The following SEH1L variants were observed in gnomAD, a reference collection of about 807,000 sequenced individuals.
SEH1L encodes nucleoporin SEH1.
In SEH1L, 18 loss-of-function variants were observed where a neutral mutation model predicts 49.5. The observed-to-expected ratio is 0.36, with a 90% confidence interval of 0.25 to 0.54. The LOEUF (loss-of-function observed/expected upper bound fraction) is 0.54. Ranked by LOEUF, SEH1L falls within the 20% of genes least tolerant of loss-of-function variation. SEH1L has a pLI of 0.87. For synonymous variants in SEH1L, 169 were observed against 178.1 expected (o/e 0.95, Z 0.41); for missense variants, 404 against 528.8 (o/e 0.76, Z 2.31).
intron 3 of SEH1L, 113 bp from the exon 4 acceptor site, chr18:12,963,047 T>C: frequency 1.4e-6 from 1 of 699,530 alleles, no homozygotes; most frequent in South Asian, 2.1e-5. Context: ...CAAGCTTATA[T>C]ACCTAGTGAA....
intron 5 of SEH1L, chr18:12,974,360 A>G (rs186282674): frequency 8.0e-4 from 122 of 152,048 alleles, no homozygotes; most frequent in African/African-American, 2.9e-3. Flanking sequence ...GCTCGCTTCA[A>G]CCTTTGCCTC....
rs749269892 is a variant in SEH1L, at chr18:12,951,852, T to C, written c.112-3T>C. On this transcript the variant is annotated splice_region_variant and splice_polypyrimidine_tract_variant and intron_variant, in intron 1 of 8. Transcript: ENST00000399892. ...AAAATATCTGCCTTTTATTTTCTTA[T>C]AGGTCTGGGATAAAAGTGAAAGTGG... The C allele has an allele frequency of 1.9e-6, 3 of 1,559,888 alleles. No individual in the cohort carries two copies. The highest frequency in any genetic ancestry group is 2.6e-6 in the Non-Finnish European group (3 of 1,141,724).
intron 1 of SEH1L, among the ~76,000 whole-genome samples, chr18:12,951,029 CTGT>C (rs1158717482): frequency 1.3e-5 from 2 of 152,052 alleles, no homozygotes; most frequent in African/African-American, 2.4e-5. Flanking sequence ...ACAGTTGAGC[CTGT>C]TGTTTGTAGA....
chr18:12,971,444 C>A, intron 5 of SEH1L, 193 bp downstream of exon 5: 2 of 398,708 alleles, frequency 5.0e-6, no homozygotes, highest in Admixed American at 7.8e-5. Context: ...ACCAGCCTGG[C>A]CAATATGGTG....
At chr18:12,957,238 A>G (rs2030921241) in intron 3 of SEH1L, among the ~76,000 whole-genome samples, 1 of 151,504 alleles carries the variant, frequency 6.6e-6, no homozygotes, top group African/African-American at 2.4e-5. Context: ...GACCAGCCTG[A>G]CCAACATGGA....
chr18:12,967,202 C>T (rs777447750), intron 4 of SEH1L, among the ~76,000 whole-genome samples: 2 of 152,228 alleles, frequency 1.3e-5, no homozygotes, highest in Non-Finnish European at 2.9e-5. Context: ...AGGGTTTCCA[C>T]AAGTCTCTCA....
chr18:12,979,869 G>C (rs866336871), intron 6 of SEH1L, among the ~76,000 whole-genome samples: 1 of 138,008 alleles, frequency 7.2e-6, no homozygotes, highest in African/African-American at 2.9e-5. Flanking sequence ...TGGCCGGGCG[G>C]GGGGCTGACC....
chr18:12,948,754 T>A (rs974228039), intron 1 of SEH1L: 1 of 152,530 alleles, frequency 6.6e-6, no homozygotes, highest in Non-Finnish European at 1.5e-5. Context: ...TTACATCCAA[T>A]GATTTCCCTG....
intron 1 of SEH1L, among the ~76,000 whole-genome samples, chr18:12,951,651 A>G (rs560717348): frequency 3.9e-5 from 6 of 152,352 alleles, no homozygotes; most frequent in Non-Finnish European, 8.8e-5. Context: ...TTGGCCTCCC[A>G]AAGTGCTGGG....
chr18:12,972,666 C>A (rs1390148744), intron 5 of SEH1L: 1 of 152,246 alleles, frequency 6.6e-6, no homozygotes, highest in African/African-American at 2.4e-5. Flanking sequence ...GGATCTTACA[C>A]CTTCTACCTT....
intron 1 of SEH1L, 160 bp downstream of exon 1, chr18:12,948,392 C>A (rs376996010): frequency 8.1e-5 from 44 of 543,532 alleles, no homozygotes; most frequent in East Asian, 2.8e-4. Context: ...CCTCCCCGCC[C>A]GCGTATTGTG....
intron 4 of SEH1L, among the ~76,000 whole-genome samples, chr18:12,969,211 GCCCCCCC>G (rs112516463): frequency 3.6e-5 from 2 of 55,108 alleles, no homozygotes; most frequent in Non-Finnish European, 6.2e-5. Flanking sequence ...CTCTGTACCC[GCCCCCCC>G]CCCCCCCCCC....
chr18:12,982,698 A>G (rs1158138565), intron 7 of SEH1L, 23 bp downstream of exon 7: 3 of 1,552,644 alleles, frequency 1.9e-6, no homozygotes, highest in Admixed American at 3.9e-5. Flanking sequence ...TGAAGGGGTA[A>G]TTGTTGGTTT....
intron 3 of SEH1L, among the ~76,000 whole-genome samples, chr18:12,955,941 C>CCCCA (rs1446895836): frequency 2.0e-5 from 3 of 151,690 alleles, no homozygotes; most frequent in Non-Finnish European, 4.4e-5. Flanking sequence ...AAACTCCTGG[C>CCCCA]CCCACCTCAG....
intron 1 of SEH1L, among the ~76,000 whole-genome samples, chr18:12,949,469 T>C (rs1174765865): frequency 1.5e-5 from 2 of 136,600 alleles, no homozygotes; most frequent in Non-Finnish European, 3.1e-5. Flanking sequence ...TTTTTTTTTT[T>C]TGAGACGGAG....
intron 7 of SEH1L, among the ~76,000 whole-genome samples, 173 bp from the exon 8 acceptor site, chr18:12,983,867 C>CTG (rs2032365759): frequency 6.6e-6 from 1 of 152,168 alleles, no homozygotes. Flanking sequence ...GTTGTTAAAA[C>CTG]TGAGATAATA....
At chr18:12,982,478 CTTTG>C (rs752263431) in intron 6 of SEH1L, 36 bp from the exon 7 acceptor site, 10 of 1,540,190 alleles carry the variant, frequency 6.5e-6, no homozygotes, top group African/African-American at 2.8e-5. Flanking sequence ...TGTTTTAAAA[CTTTG>C]TTTGGAATGC....
intron 1 of SEH1L, among the ~76,000 whole-genome samples, chr18:12,950,756 T>TA (rs1372986018): frequency 6.6e-6 from 1 of 152,262 alleles, no homozygotes; most frequent in Non-Finnish European, 1.5e-5. Context: ...TTGCCCTCGT[T>TA]ACATTTTTAA....
At chr18:12,978,679 G>A (rs564305782) in intron 5 of SEH1L, 73 bp from the exon 6 acceptor site, 48 of 1,262,138 alleles carry the variant, frequency 3.8e-5, no homozygotes, top group Non-Finnish European at 5.4e-5. Flanking sequence ...TGAAAAAAAG[G>A]TGAGATGCAG....
Sources: gnomAD v4.1 joint callset for allele counts (sites outside exome capture counted in the v4.1 genomes callset) on GRCh38, gnomAD v4.1.1 for gene constraint, MANE v1.5 for transcripts, NCBI Gene and HGNC (gene_info 2026-07-23, HGNC 2026-07-21) for gene names.